The following CFAP52 variants were observed in gnomAD, a reference collection of about 807,000 sequenced individuals.
CFAP52 encodes the protein cilia and flagella associated protein 52.
Under a neutral mutation model 70.5 loss-of-function variants are expected in CFAP52, and 57 were observed. That is an observed-to-expected ratio of 0.81 (90% CI 0.65 to 1.01). The LOEUF (loss-of-function observed/expected upper bound fraction) is 1.01, where lower values mean the gene tolerates loss of function less well. CFAP52 is among the 50% of genes least tolerant of loss of function. The pLI is 0.00. For synonymous variants in CFAP52, 267 were observed against 292.5 expected, an observed-to-expected ratio of 0.91 and a Z score of 0.89; for missense variants, 785 against 788.5, an observed-to-expected ratio of 1.00 and a Z score of 0.05.
At chr17:9,643,837 A>T (rs79600226), downstream of CFAP52, among the ~76,000 whole-genome samples, 1,976 of 152,346 alleles carry the variant, frequency 0.013, 48 homozygotes, top group African/African-American at 0.045. Context: ...AGATGAAATT[A>T]CAGAGATGCT....
At chr17:9,581,209 C>G (rs1395804823) in intron 1 of CFAP52, among the ~76,000 whole-genome samples, 1 of 151,982 alleles carries the variant, frequency 6.6e-6, no homozygotes, top group East Asian at 1.9e-4. Context: ...CCCAGCTACT[C>G]GGGAGGCTGA....
At chr17:9,627,783 C>T (rs187015432) in intron 8 of CFAP52, among the ~76,000 whole-genome samples, 9 of 152,286 alleles carry the variant, frequency 5.9e-5, no homozygotes, top group East Asian at 1.9e-4. Context: ...TGCAGTGGCA[C>T]GATCATAGCT....
chr17:9,579,488 A>G (rs1252986416), intron 1 of CFAP52, among the ~76,000 whole-genome samples: 5 of 152,208 alleles, frequency 3.3e-5, no homozygotes, highest in Non-Finnish European at 7.4e-5. Context: ...TTTAGATTTC[A>G]GATGGAAACA....
At chr17:9,635,332 G>T (rs418706) in intron 10 of CFAP52, 73 bp from the exon 11 acceptor site, 213,098 of 1,573,906 alleles carry the variant, frequency 0.14, 16,103 homozygotes, top group East Asian at 0.38. Context: ...AGGGGAAAAA[G>T]CTCTTGGAAT....
intron 7 of CFAP52, among the ~76,000 whole-genome samples, chr17:9,611,694 T>C (rs1178537668): frequency 6.6e-6 from 1 of 152,160 alleles, no homozygotes. Flanking sequence ...AAATAAAATG[T>C]TGTATTCTAA....
intron 8 of CFAP52, among the ~76,000 whole-genome samples, chr17:9,613,955 C>A (rs1473786551): frequency 6.6e-6 from 1 of 151,906 alleles, no homozygotes. Context: ...GCAAGTTGGT[C>A]ATTTTCTTTT....
At chr17:9,636,319 G>A (rs1910802367) in intron 11 of CFAP52, among the ~76,000 whole-genome samples, 1 of 152,190 alleles carries the variant, frequency 6.6e-6, no homozygotes, top group Admixed American at 6.5e-5. Flanking sequence ...AGCCCAGAAT[G>A]AACTTCCCAT....
intron 6 of CFAP52, among the ~76,000 whole-genome samples, chr17:9,603,611 C>T (rs1461931432): frequency 6.6e-6 from 1 of 152,158 alleles, no homozygotes; most frequent in Admixed American, 6.5e-5. Context: ...CAATAAACAT[C>T]CCAGCAAGTT....
chr17:9,597,347 A>C (rs1314045093), intron 4 of CFAP52, among the ~76,000 whole-genome samples: 1 of 152,174 alleles, frequency 6.6e-6, no homozygotes, highest in African/African-American at 2.4e-5. Flanking sequence ...TGTATACTTG[A>C]AAATTGCTAA....
At chr17:9,598,760 C>CA (rs71135996) in intron 5 of CFAP52, among the ~76,000 whole-genome samples, 22 of 132,572 alleles carry the variant, frequency 1.7e-4, no homozygotes, top group South Asian at 1.2e-3. Context: ...CACTCTGTTT[C>CA]AAAAAAAAAA....
At chr17:9,606,504 C>T (rs900019236) in intron 6 of CFAP52, among the ~76,000 whole-genome samples, 6 of 152,114 alleles carry the variant, frequency 3.9e-5, no homozygotes, top group African/African-American at 7.2e-5. Flanking sequence ...TCTTCATAAA[C>T]GCCTAATGAG....
intron 8 of CFAP52, among the ~76,000 whole-genome samples, chr17:9,622,983 A>G (rs1375638523): frequency 1.3e-5 from 2 of 152,164 alleles, no homozygotes; most frequent in African/African-American, 4.8e-5. Context: ...AGTTAGTGTC[A>G]TACAGATCTT....
At chr17:9,597,392 G>C (rs1306764664) in intron 4 of CFAP52, 3 of 152,104 alleles carry the variant, frequency 2.0e-5, no homozygotes, top group African/African-American at 7.2e-5. Context: ...CAAAAAAATG[G>C]TAAGTATATG....
At chr17:9,629,649 G>A (rs1910384741) in intron 9 of CFAP52, among the ~76,000 whole-genome samples, 1 of 150,814 alleles carries the variant, frequency 6.6e-6, no homozygotes, top group African/African-American at 2.4e-5. Flanking sequence ...CCGTGTTCAA[G>A]CAATTCTCCT....
At chr17:9,629,500 C>T (rs866323640) in intron 9 of CFAP52, among the ~76,000 whole-genome samples, 75 of 133,546 alleles carry the variant, frequency 5.6e-4, no homozygotes, top group Admixed American at 7.8e-4. Context: ...TCTTTCTTTT[C>T]TTTTCTTTCT....
rs1289731903 is a variant in CFAP52 at position 9,638,703 on chromosome 17, G to C, written c.1567G>C (p.Asp523His). The change falls in exon 12 of 14, where the codon GAC becomes CAC. Residue 523 changes from aspartate (D) to histidine (H), a missense_variant. By Grantham distance (81) the Asp-to-His change is moderately conservative (BLOSUM62 -1). Coordinates refer to ENST00000352665, the MANE Select transcript of CFAP52 (RefSeq NM_145054.5). ...EEFQIITSGT[D>H]RKIAYWEVFD... is the part of the protein sequence containing the mutation. ...GTTCCAGATCATCACCAGCGGAACA[G>C]ACAGAAAGGTGAGTCCTCCCAGTGA... is the stretch of plus-strand genomic sequence containing the variant. 1 of 1,614,106 alleles carries C rather than the reference G, an allele frequency of 6.2e-7. No individual in the cohort carries two copies. Among genetic ancestry groups the C allele is most frequent in the Non-Finnish European group, 8.5e-7 (1 of 1,179,978 alleles).
chr17:9,580,997 C>T (rs1218132038), intron 1 of CFAP52, among the ~76,000 whole-genome samples: 1 of 152,056 alleles, frequency 6.6e-6, no homozygotes, highest in Non-Finnish European at 1.5e-5. Flanking sequence ...AAGAAACAAC[C>T]CAAATATCCA....
chr17:9,594,274 T>A lies in CFAP52; in HGVS notation c.489T>A (p.Asn163Lys), dbSNP rs370036848. 226 of 1,613,936 alleles carry A rather than the reference T, an allele frequency of 1.4e-4. 1 individual carries two copies. Among genetic ancestry groups the A allele is most frequent in the Non-Finnish European group, 1.8e-4 (215 of 1,180,000 alleles). The change falls in exon 4 of 14, where the codon AAT (asparagine) becomes AAA (lysine). Residue 163 changes from asparagine to lysine, a missense_variant. Asn to Lys is a moderately conservative substitution (Grantham distance 94). Transcript: ENST00000352665. The part of the protein sequence containing the change: ...AAGLNVGNAT[N>K]VIFSRCRDEM... ...GCCTCAATGTTGGCAATGCCACCAA[T>A]GTGATCTTCTCCAGGTGCCGGGATG...
At chr17:9,598,691 G>A in intron 5 of CFAP52, 1 of 155,712 alleles carries the variant, frequency 6.4e-6, no homozygotes, top group Non-Finnish European at 1.4e-5. Flanking sequence ...AACCTGGGAG[G>A]CGGAAGTTGC....
Sources: gnomAD v4.1 joint callset for allele counts (sites outside exome capture counted in the v4.1 genomes callset) on GRCh38, gnomAD v4.1.1 for gene constraint, MANE v1.5 for transcripts, NCBI Gene and HGNC (gene_info 2026-07-23, HGNC 2026-07-21) for gene names.